NCAM2: variants seen among roughly 807,000 people sequenced by gnomAD.
NCAM2 encodes neural cell adhesion molecule 2.
Under a neutral mutation model 98.1 loss-of-function variants are expected in NCAM2, and 30 were observed. The observed-to-expected ratio is 0.31, with a 90% confidence interval of 0.23 to 0.41. The LOEUF is 0.41. Ranked by LOEUF, NCAM2 falls within the 10% of genes least tolerant of loss-of-function variation. The pLI is 1.00. For synonymous variants in NCAM2, 368 were observed against 342.4 expected (o/e 1.07, Z -0.83); for missense variants, 867 against 1,005.8 (o/e 0.86, Z 1.87).
chr21:21,324,387 G>T lies in NCAM2; in HGVS notation c.624G>T (p.Pro208=), dbSNP rs200660519. ...FRDIIVIVNV[P]PAISMPQKSF... is the part of the protein sequence containing the mutation. ...CTGTATTCATCTCTCCTTCAGTGCC[G>T]CCAGCAATCTCAATGCCTCAGAAAT... The change falls in exon 6 of 18, where the codon CCG becomes CCT. Residue 208 remains proline (P), a synonymous_variant. Coordinates refer to ENST00000400546, the MANE Select transcript of NCAM2 (RefSeq NM_004540.5). The T allele has an allele frequency of 1.4e-5, 22 of 1,611,154 alleles. No individual in the cohort carries two copies. Among genetic ancestry groups the T allele is most frequent in the Non-Finnish European group, 1.8e-5 (21 of 1,177,984 alleles).
At position 20,998,492 on chromosome 21, in the gene NCAM2, G is replaced by A. The variant is rs2063958656; in HGVS notation, c.-72G>A. On this transcript the variant is annotated 5_prime_UTR_variant, in exon 1 of 18. Coordinates refer to ENST00000400546, the MANE Select transcript of NCAM2 (RefSeq NM_004540.5). The stretch of plus-strand genomic sequence containing the variant: ...GGCGGCTCTAGCAGAGGCGGCCGGG[G>A]CAGCGAAAGGTTCTCTCTCCAGGGC... 2.7e-6 allele frequency: 4 copies of A among 1,497,480 alleles called. No homozygotes were observed. The highest frequency in any genetic ancestry group is 2.8e-5 in the African/African-American group (2 of 71,802). 92.8% of individuals were successfully genotyped at this position (1,497,480 alleles called of 1,614,324 possible). A position where few individuals can be genotyped will look rare whatever the true frequency, so the allele number is the denominator to read the frequency against.
At chr21:21,365,867 G>A (rs1424902205) in intron 8 of NCAM2, among the ~76,000 whole-genome samples, 2 of 152,078 alleles carry the variant, frequency 1.3e-5, no homozygotes, top group East Asian at 3.9e-4. Context: ...CTATCCAAAG[G>A]TTAAGTGCTA....
At chr21:21,371,193 A>C (rs1444056504) in intron 8 of NCAM2, among the ~76,000 whole-genome samples, 1 of 151,898 alleles carries the variant, frequency 6.6e-6, no homozygotes, top group African/African-American at 2.4e-5. Context: ...ATTTCTGTTT[A>C]AAATTCTTAG....
intron 16 of NCAM2, among the ~76,000 whole-genome samples, chr21:21,530,105 ATAATT>A (rs1217804744): frequency 1.3e-4 from 19 of 145,350 alleles, no homozygotes; most frequent in South Asian, 4.2e-4. Context: ...TTAATTATAT[ATAATT>A]TAATTTAATT....
At chr21:21,010,420 T>G (rs529933993) in intron 1 of NCAM2, among the ~76,000 whole-genome samples, 1 of 152,118 alleles carries the variant, frequency 6.6e-6, no homozygotes, top group Admixed American at 6.5e-5. Context: ...CACTTCTTAG[T>G]ACACAATTAA....
chr21:21,224,414 C>A (rs953887012), intron 1 of NCAM2, among the ~76,000 whole-genome samples: 1 of 152,036 alleles, frequency 6.6e-6, no homozygotes, highest in Admixed American at 6.6e-5. Flanking sequence ...AGATACTATT[C>A]TTTTATCTAT....
chr21:21,115,424 A>C (rs2212635), intron 1 of NCAM2, among the ~76,000 whole-genome samples: 1 of 152,112 alleles, frequency 6.6e-6, no homozygotes, highest in Non-Finnish European at 1.5e-5. Context: ...ATTAAAATCT[A>C]CCAGTTTACA....
Position 21,373,890 on chromosome 21 carries a change from G to A in NCAM2, c.1072G>A (p.Gly358Arg), listed in dbSNP as rs1340678477. 2.3e-5 allele frequency: 37 copies of A among 1,609,270 alleles called. No homozygotes were observed. The highest frequency in any genetic ancestry group is 1.7e-4 in the Middle Eastern group (1 of 6,026). ...KSLDGRIEVK[G>R]QHGSSSLHIK... is the part of the protein sequence containing the mutation. The stretch of plus-strand genomic sequence containing the variant: ...CCTGGACGGCCGTATCGAAGTCAAA[G>A]GGCAGCATGGAAGCTCATCACTGCA... The change falls in exon 9 of 18, where the codon GGG becomes AGG. Residue 358 changes from glycine (G) to arginine (R), a missense_variant. Gly to Arg is a moderately radical substitution (Grantham distance 125). Around this residue, in one of 5 missense-constraint regions of NCAM2, gnomAD observed 447 missense variants for 495.7 expected, o/e 0.90. Transcript: ENST00000400546.
intron 13 of NCAM2, among the ~76,000 whole-genome samples, chr21:21,467,677 C>A (rs1381797754): frequency 2.0e-5 from 3 of 151,516 alleles, no homozygotes; most frequent in Non-Finnish European, 4.4e-5. Flanking sequence ...AAAACCCTAT[C>A]TCTCCAAAAA....
At chr21:21,076,116 CAAA>C (rs565676221) in intron 1 of NCAM2, among the ~76,000 whole-genome samples, 7 of 121,440 alleles carry the variant, frequency 5.8e-5, no homozygotes, top group African/African-American at 1.4e-4. Context: ...GACCCCATCT[CAAA>C]AAAAAAAAAA....
chr21:21,402,553 G>A (rs2076655523), intron 9 of NCAM2, among the ~76,000 whole-genome samples: 4 of 152,054 alleles, frequency 2.6e-5, no homozygotes, highest in Admixed American at 2.0e-4. Flanking sequence ...TTTTGCCCTG[G>A]TCCTGTTTCC....
chr21:21,322,901 G>A (rs531421250), intron 5 of NCAM2, among the ~76,000 whole-genome samples: 184 of 152,262 alleles, frequency 1.2e-3, no homozygotes, highest in African/African-American at 4.2e-3. Flanking sequence ...AGTCCACCAC[G>A]TCCATGTTAG....
In NCAM2 at chr21:21,538,049, T is replaced by C. The variant is rs1434864422; in HGVS notation, c.*92T>C. 1 of 654,006 alleles carries C rather than the reference T, an allele frequency of 1.5e-6. No homozygotes were observed. The highest frequency in any genetic ancestry group is 1.9e-5 in the African/African-American group (1 of 53,410). 40.5% of individuals were successfully genotyped at this position (654,006 alleles called of 1,614,324 possible). A position where few individuals can be genotyped will look rare whatever the true frequency, so the allele number is the denominator to read the frequency against. On this transcript the variant is annotated 3_prime_UTR_variant, in exon 18 of 18. Transcript: ENST00000400546. ...AACTATTCCATTGACCTTAATTTCT[T>C]GGGAAACTTCTAGCTTGGAATAGCT...
intron 1 of NCAM2, among the ~76,000 whole-genome samples, chr21:21,108,451 G>T (rs1288194237): frequency 6.6e-6 from 1 of 152,038 alleles, no homozygotes; most frequent in Non-Finnish European, 1.5e-5. Context: ...CCAAATTACT[G>T]TCAAAAATGA....
chr21:21,030,877 G>T (rs991120030), intron 1 of NCAM2, among the ~76,000 whole-genome samples: 1 of 152,096 alleles, frequency 6.6e-6, no homozygotes, highest in African/African-American at 2.4e-5. Flanking sequence ...TTAAAAAGCT[G>T]CATACGTTGT....
In NCAM2 at chr21:21,150,157, A is replaced by G. The variant is rs1304064062; in HGVS notation, c.56-130421A>G. 2.0e-5 allele frequency among the ~76,000 whole-genome samples: 3 copies of G among 152,136 alleles called. No homozygotes were observed. In the South Asian group the frequency reaches 6.2e-4, roughly 32 times the overall value. On this transcript the variant is annotated intron_variant, in intron 1 of 17. Coordinates refer to ENST00000400546, the MANE Select transcript of NCAM2 (RefSeq NM_004540.5). ...TATTACTGTAAATGGTATTGTGTTT[A>G]TAGCAAAGGTATTTTTCTTTGTGGA... is the stretch of plus-strand genomic sequence containing the variant.
At chr21:21,284,674 A>G (rs1415087014) in intron 3 of NCAM2, among the ~76,000 whole-genome samples, 4 of 151,724 alleles carry the variant, frequency 2.6e-5, no homozygotes, top group African/African-American at 9.7e-5. Context: ...TATATAGAGA[A>G]TAGTGGTTTA....
intron 1 of NCAM2, among the ~76,000 whole-genome samples, chr21:20,999,163 A>G (rs976324796): frequency 6.6e-6 from 1 of 152,148 alleles, no homozygotes; most frequent in Non-Finnish European, 1.5e-5. Flanking sequence ...TTGGAAACTA[A>G]GAGAGGGGCC....
chr21:21,513,341 A>G (rs34703575), intron 16 of NCAM2, among the ~76,000 whole-genome samples: 56,821 of 151,938 alleles, frequency 0.37, 11,191 homozygotes, highest in East Asian at 0.62. Context: ...TTGCTGTAAT[A>G]TGCCACTCAG....
Sources: gnomAD v4.1 joint callset for allele counts (sites outside exome capture counted in the v4.1 genomes callset) on GRCh38, gnomAD v4.1.1 for gene constraint, gnomAD v4.1.1 regional missense constraint, MANE v1.5 for transcripts, NCBI Gene and HGNC (gene_info 2026-07-23, HGNC 2026-07-21) for gene names.